The following BCAS2 variants were observed in gnomAD, a reference collection of about 807,000 sequenced individuals.
BCAS2 encodes BCAS2 pre-mRNA processing factor.
BCAS2 carries 34 observed loss-of-function variants against 35.3 expected under a neutral mutation model. The ratio of observed to expected loss-of-function variants is 0.96; its 90% CI spans 0.73 to 1.28. The LOEUF is 1.28. Ranked by LOEUF, BCAS2 falls within the 50% of genes most tolerant of loss-of-function variation. The pLI is 0.00. For missense variants in BCAS2, 221 were observed against 268.1 expected, an observed-to-expected ratio of 0.82 and a Z score of 1.23; for synonymous variants, 75 against 91.6, an observed-to-expected ratio of 0.82 and a Z score of 1.03.
At chr1:114,574,039 G>A (rs997582687) in intron 4 of BCAS2, among the ~76,000 whole-genome samples, 3 of 152,172 alleles carry the variant, frequency 2.0e-5, no homozygotes, top group African/African-American at 4.8e-5. Context: ...AGGGCACAAA[G>A]GGGCCATGCA....
chr1:114,574,299 C>T (rs1042187858), intron 4 of BCAS2, among the ~76,000 whole-genome samples: 2 of 152,178 alleles, frequency 1.3e-5, no homozygotes, highest in African/African-American at 2.4e-5. Context: ...TGAGGATGAA[C>T]AAGGAGGTGC....
intron 4 of BCAS2, among the ~76,000 whole-genome samples, chr1:114,573,283 C>A (rs1043779981): frequency 2.0e-5 from 3 of 151,868 alleles, no homozygotes; most frequent in Non-Finnish European, 2.9e-5. Flanking sequence ...TTCCTTGTTT[C>A]CTTCTAAACA....
At chr1:114,574,099 G>C (rs963530259) in intron 4 of BCAS2, among the ~76,000 whole-genome samples, 4 of 152,186 alleles carry the variant, frequency 2.6e-5, no homozygotes, top group African/African-American at 7.2e-5. Context: ...ATTCTAGATA[G>C]ACAATAAATA....
chr1:114,573,926 T>C (rs191069450), intron 4 of BCAS2, among the ~76,000 whole-genome samples: 4 of 152,366 alleles, frequency 2.6e-5, no homozygotes, highest in East Asian at 3.9e-4. Flanking sequence ...TTATTTTATA[T>C]AGCTATGTTT....
intron 4 of BCAS2, among the ~76,000 whole-genome samples, chr1:114,573,727 C>T (rs181021545): frequency 6.6e-6 from 1 of 152,090 alleles, no homozygotes; most frequent in Admixed American, 6.6e-5. Flanking sequence ...TCTTAATCAC[C>T]CTAATCCCAT....
intron 4 of BCAS2, among the ~76,000 whole-genome samples, chr1:114,573,311 T>C (rs1654688092): frequency 6.7e-6 from 1 of 148,340 alleles, no homozygotes; most frequent in African/African-American, 2.5e-5. Context: ...TTCACCTTTC[T>C]TCAACAACCT....
At chr1:114,568,403 G>C in intron 6 of BCAS2, 147 bp from the exon 7 acceptor site, 1 of 913,930 alleles carries the variant, frequency 1.1e-6, no homozygotes, top group Non-Finnish European at 1.5e-6. Flanking sequence ...TCTCGCTCTT[G>C]TTGCCCAGGC....
intron 6 of BCAS2, 85 bp from the exon 7 acceptor site, chr1:114,568,341 C>T: frequency 7.2e-7 from 1 of 1,390,576 alleles, no homozygotes; most frequent in Non-Finnish European, 9.7e-7. Context: ...TACACATGTT[C>T]ACCCAGAGCT....
intron 2 of BCAS2, among the ~76,000 whole-genome samples, chr1:114,577,864 T>C (rs983001927): frequency 1.3e-5 from 2 of 152,210 alleles, no homozygotes; most frequent in African/African-American, 4.8e-5. Context: ...TAAATAAGTA[T>C]CAAAGGCCTT....
chr1:114,579,616 A>T (rs1654841166), intron 2 of BCAS2, among the ~76,000 whole-genome samples: 1 of 152,192 alleles, frequency 6.6e-6, no homozygotes, highest in Admixed American at 6.5e-5. Context: ...CCTGTATCCC[A>T]ACACTTTGGG....
At chr1:114,574,097 T>C (rs1164808960) in intron 4 of BCAS2, among the ~76,000 whole-genome samples, 1 of 152,186 alleles carries the variant, frequency 6.6e-6, no homozygotes, top group East Asian at 1.9e-4. Context: ...GAATTCTAGA[T>C]AGACAATAAA....
chr1:114,568,020 A>C lies in BCAS2; in HGVS notation c.*110T>G, dbSNP rs1365393145. On this transcript the variant is annotated 3_prime_UTR_variant, in exon 7 of 7. Transcript: ENST00000369541. ...CCTACACCTTCTATGATTTCTAAAC[A>C]CTTAAACATCAATGGTTTTGGGAAG... 4 of 1,408,794 alleles carry C rather than the reference A, an allele frequency of 2.8e-6. No homozygotes were observed. In the African/African-American group the frequency reaches 5.7e-5, roughly 20 times the overall value. The allele number at this position is 1,408,794 out of a possible 1,614,324, so 87.3% of individuals were successfully genotyped here. A position where few individuals can be genotyped will look rare whatever the true frequency, so the allele number is the denominator to read the frequency against.
chr1:114,574,371 T>C (rs1654710987), intron 4 of BCAS2, among the ~76,000 whole-genome samples: 1 of 152,232 alleles, frequency 6.6e-6, no homozygotes, highest in Non-Finnish European at 1.5e-5. Flanking sequence ...AAGTTCCAAG[T>C]CTGGGATCTG....
chr1:114,573,874 C>T (rs1357345889), intron 4 of BCAS2, among the ~76,000 whole-genome samples: 4 of 152,056 alleles, frequency 2.6e-5, no homozygotes. Context: ...ATGCATAATT[C>T]TGAAGATTTG....
chr1:114,581,499 C>T lies in BCAS2; in HGVS notation c.93G>A (p.Ala31=), dbSNP rs368447585. The change falls in exon 1 of 7, where the codon GCG becomes GCA. Residue 31 remains alanine, a splice_region_variant and synonymous_variant. Transcript: ENST00000369541. The part of the protein sequence containing the change: ...QGYEAPGVRE[A]AAALVEEETR... ...AGCTACAAAGACACCCCGCACTCAC[C>T]GCTTCCCGCACACCAGGGGCTTCAT... is the stretch of plus-strand genomic sequence containing the variant. 3.1e-5 allele frequency: 50 copies of T among 1,614,166 alleles called. 1 individual carries two copies. The African/African-American group carries it at 3.2e-4, about 10-fold the overall frequency.
At position 114,568,015 on chromosome 1, in the gene BCAS2, TA is replaced by T; in HGVS notation, c.*114del. The T allele has an allele frequency of 7.2e-7, 1 of 1,383,454 alleles. No individual in the cohort carries two copies. Among genetic ancestry groups the T allele is most frequent in the Non-Finnish European group, 9.9e-7 (1 of 1,005,158 alleles). The allele number at this position is 1,383,454 out of a possible 1,614,324, so 85.7% of individuals were successfully genotyped here. A position where few individuals can be genotyped will look rare whatever the true frequency, so the allele number is the denominator to read the frequency against. The stretch of plus-strand genomic sequence containing the variant: ...AGCAGCCTACACCTTCTATGATTTC[TA>T]AACACTTAAACATCAATGGTTTTGG... On this transcript the variant is annotated 3_prime_UTR_variant, in exon 7 of 7. Coordinates refer to ENST00000369541, the MANE Select transcript of BCAS2 (RefSeq NM_005872.3).
chr1:114,568,172 T>G lies in BCAS2; in HGVS notation c.636A>C (p.Gln212His), dbSNP rs371451565. 6.2e-7 allele frequency: 1 copy of G among 1,613,600 alleles called. No individual in the cohort carries two copies. Among genetic ancestry groups the G allele is most frequent in the Admixed American group, 1.7e-5 (1 of 60,028 alleles). The part of the protein sequence containing the change: ...LENEIYQIKQ[Q>H]HGEANKENIR... ...TGTTTTCTTTGTTTGCCTCTCCATGTTGCTGCTTAATTTGATAGATTTCAT... is the reference window on the plus strand; with the variant it reads ...TGTTTTCTTTGTTTGCCTCTCCATGGTGCTGCTTAATTTGATAGATTTCAT... Residue 212 changes from glutamine (Q) to histidine (H), a missense_variant, in exon 7 of 7, where the codon CAA (glutamine) becomes CAC (histidine). Coordinates refer to ENST00000369541, the MANE Select transcript of BCAS2 (RefSeq NM_005872.3).
At chr1:114,574,242 T>A (rs1421139122) in intron 4 of BCAS2, among the ~76,000 whole-genome samples, 1 of 152,346 alleles carries the variant, frequency 6.6e-6, no homozygotes, top group South Asian at 2.1e-4. Flanking sequence ...CATGGACATG[T>A]GCACAGTGGT....
intron 4 of BCAS2, among the ~76,000 whole-genome samples, chr1:114,571,281 G>A (rs1279291077): frequency 2.0e-5 from 3 of 151,606 alleles, no homozygotes; most frequent in East Asian, 1.9e-4. Flanking sequence ...GGCTGGTCTC[G>A]AACTCCTGAC....
Sources: gnomAD v4.1 joint callset for allele counts (sites outside exome capture counted in the v4.1 genomes callset) on GRCh38, gnomAD v4.1.1 for gene constraint, MANE v1.5 for transcripts, NCBI Gene and HGNC (gene_info 2026-07-23, HGNC 2026-07-21) for gene names.